The following SLC12A2 variants were observed in gnomAD, a reference collection of about 807,000 sequenced individuals.
SLC12A2 encodes the protein solute carrier family 12 member 2.
Under a neutral mutation model 136.3 loss-of-function variants are expected in SLC12A2, and 67 were observed. The observed-to-expected ratio is 0.49, with a 90% CI of 0.40 to 0.60. SLC12A2 has a LOEUF of 0.60. Among genes scored for constraint, SLC12A2 ranks in the 20% least tolerant of loss-of-function variants. The pLI, the probability that SLC12A2 is intolerant of heterozygous loss-of-function variation, is 0.00. For missense variants in SLC12A2, 1,322 were observed against 1,534.7 expected, an observed-to-expected ratio of 0.86 and a Z score of 2.32; for synonymous variants, 619 against 562.9, an observed-to-expected ratio of 1.10 and a Z score of -1.41.
intron 20 of SLC12A2, among the ~76,000 whole-genome samples, chr5:128,176,418 A>AT (rs1181200975): frequency 1.3e-5 from 2 of 152,154 alleles, no homozygotes; most frequent in East Asian, 3.9e-4. Flanking sequence ...ATAAACAAAT[A>AT]TTTTAATACA....
At chr5:128,157,326 T>C (rs1581120739) in intron 15 of SLC12A2, among the ~76,000 whole-genome samples, 1 of 152,198 alleles carries the variant, frequency 6.6e-6, no homozygotes, top group Non-Finnish European at 1.5e-5. Flanking sequence ...GCTACAAATA[T>C]ATGAAAGGCA....
chr5:128,136,242 A>T (rs191506375), intron 7 of SLC12A2, among the ~76,000 whole-genome samples: 26 of 152,142 alleles, frequency 1.7e-4, no homozygotes, highest in African/African-American at 5.3e-4. Flanking sequence ...TTTTTAGGAG[A>T]TCTCTCCAGT....
chr5:128,166,832 TA>T (rs1209572831), intron 17 of SLC12A2, among the ~76,000 whole-genome samples: 1 of 152,068 alleles, frequency 6.6e-6, no homozygotes, highest in Non-Finnish European at 1.5e-5. Flanking sequence ...TTTGCTACAA[TA>T]AAATACTAAA....
intron 1 of SLC12A2, among the ~76,000 whole-genome samples, chr5:128,105,398 G>A (rs1170775789): frequency 6.6e-6 from 1 of 152,204 alleles, no homozygotes; most frequent in Non-Finnish European, 1.5e-5. Flanking sequence ...CTGGGTAGAA[G>A]AGTGTGTTGT....
intron 15 of SLC12A2, among the ~76,000 whole-genome samples, chr5:128,153,078 G>C (rs1170196043): frequency 6.6e-6 from 1 of 152,160 alleles, no homozygotes; most frequent in Non-Finnish European, 1.5e-5. Context: ...ACGTAACTGT[G>C]TAAGTATGAG....
At chr5:128,089,987 G>A (rs904646740) in intron 1 of SLC12A2, among the ~76,000 whole-genome samples, 6 of 152,144 alleles carry the variant, frequency 3.9e-5, no homozygotes, top group African/African-American at 1.4e-4. Flanking sequence ...GTGGGACCCT[G>A]ATAAGAAATA....
intron 23 of SLC12A2, among the ~76,000 whole-genome samples, chr5:128,181,915 G>A (rs1763719085): frequency 1.3e-5 from 2 of 151,410 alleles, no homozygotes; most frequent in Admixed American, 1.3e-4. Flanking sequence ...TCTTCATAGT[G>A]CCTTTCCTAT....
At chr5:128,180,030 C>T (rs139771480) in intron 22 of SLC12A2, among the ~76,000 whole-genome samples, 33 of 125,294 alleles carry the variant, frequency 2.6e-4, no homozygotes, top group African/African-American at 1.0e-3. Flanking sequence ...AGTACAGTGG[C>T]GCAATCTCGG....
chr5:128,178,684 A>G lies in SLC12A2; in HGVS notation c.3095A>G (p.Asp1032Gly). The change falls in exon 22 of 27, where the codon GAT becomes GGT. Residue 1032 changes from aspartate to glycine, a missense_variant. This residue lies in a region of SLC12A2 where 172 missense variants were observed against 227.4 expected (regional missense o/e 0.76). Transcript: ENST00000262461. ...ATTGATGTCTGGTGGCTTTTTGATG[A>G]TGGAGGTAAGGTTGTTAATTTTTTT... ...NTIDVWWLFD[D>G]GGLTLLIPYL... The G allele has an allele frequency of 1.9e-6, 3 of 1,564,144 alleles. No individual in the cohort carries two copies. The highest frequency in any genetic ancestry group is 2.6e-6 in the Non-Finnish European group (3 of 1,160,156).
At chr5:128,160,414 G>A (rs1490326900) in intron 16 of SLC12A2, among the ~76,000 whole-genome samples, 4 of 152,054 alleles carry the variant, frequency 2.6e-5, no homozygotes, top group African/African-American at 9.6e-5. Context: ...AAAGTCCCAA[G>A]AACACTTGGG....
intron 4 of SLC12A2, among the ~76,000 whole-genome samples, chr5:128,126,294 T>C (rs1761792472): frequency 6.6e-6 from 1 of 152,110 alleles, no homozygotes; most frequent in South Asian, 2.1e-4. Context: ...AAAGAAGATA[T>C]ACAAATGGCA....
chr5:128,150,187 T>C, intron 13 of SLC12A2, 89 bp downstream of exon 13: 2 of 811,206 alleles, frequency 2.5e-6, no homozygotes, highest in East Asian at 5.1e-5. Flanking sequence ...AGATGTTATG[T>C]GTGGGGTTAG....
intron 11 of SLC12A2, 105 bp from the exon 12 acceptor site, chr5:128,148,649 A>C: frequency 1.1e-6 from 1 of 924,980 alleles, no homozygotes; most frequent in East Asian, 2.6e-5. Context: ...AGAGATGACC[A>C]AGAATTAGAA....
At position 128,084,379 on chromosome 5, in the gene SLC12A2, A is replaced by G. The variant is rs1395031541; in HGVS notation, c.425A>G (p.Asn142Ser). 1 of 1,606,928 alleles carries G rather than the reference A, an allele frequency of 6.2e-7. No homozygotes were observed. ...GAAGCCAAGGGCCGCTTCCGCGTGA[A>G]CTTCGTGGACCCAGCTGCCTCCTCG... Reference protein sequence around the residue: ...SEEAKGRFRVNFVDPAASSSA... With the variant: ...SEEAKGRFRVSFVDPAASSSA... Residue 142 changes from asparagine (N) to serine (S), a missense_variant, in exon 1 of 27, where the codon AAC (asparagine) becomes AGC (serine). Transcript: ENST00000262461. The surrounding 1 kb of genome is among the most constrained non-coding windows in gnomAD (Gnocchi z 5.6).
At chr5:128,094,209 C>T (rs889347471) in intron 1 of SLC12A2, among the ~76,000 whole-genome samples, 2 of 150,598 alleles carry the variant, frequency 1.3e-5, no homozygotes, top group Admixed American at 1.3e-4. Flanking sequence ...TGATTGATCA[C>T]CATTATGTCC....
At chr5:128,162,446 TTAAATACC>T (rs1337474767) in intron 17 of SLC12A2, among the ~76,000 whole-genome samples, 1 of 152,028 alleles carries the variant, frequency 6.6e-6, no homozygotes, top group Non-Finnish European at 1.5e-5. Flanking sequence ...TCCAGATGGA[TTAAATACC>T]TAAATTTAAA....
intron 1 of SLC12A2, among the ~76,000 whole-genome samples, chr5:128,096,551 T>C (rs1368196873): frequency 6.6e-6 from 1 of 152,094 alleles, no homozygotes; most frequent in African/African-American, 2.4e-5. Context: ...AATTTGAATC[T>C]CATTATTTTA....
At chr5:128,102,902 A>G (rs991502565) in intron 1 of SLC12A2, among the ~76,000 whole-genome samples, 3 of 152,032 alleles carry the variant, frequency 2.0e-5, no homozygotes, top group African/African-American at 7.2e-5. Flanking sequence ...GATTACAGGC[A>G]TGAGCCACTG....
chr5:128,131,832 C>T (rs1762033920), intron 5 of SLC12A2, among the ~76,000 whole-genome samples: 1 of 151,920 alleles, frequency 6.6e-6, no homozygotes, highest in South Asian at 2.1e-4. Context: ...GTGGAGAAAC[C>T]CGGTCTCTAC....
Sources: gnomAD v4.1 joint callset for allele counts (sites outside exome capture counted in the v4.1 genomes callset) on GRCh38, gnomAD v4.1.1 for gene constraint, gnomAD v4.1.1 regional missense constraint, Gnocchi (gnomAD v3.1) non-coding constraint, MANE v1.5 for transcripts, NCBI Gene and HGNC (gene_info 2026-07-23, HGNC 2026-07-21) for gene names.